The following ERC1 variants were observed in gnomAD, a reference collection of about 807,000 sequenced individuals.
ERC1 encodes the protein ELKS/RAB6-interacting/CAST family member 1, also known as RAB6 interacting protein 2.
In ERC1, 56 loss-of-function variants were observed where a neutral mutation model predicts 132.0. That is an observed-to-expected ratio of 0.42 (90% CI 0.34 to 0.53). ERC1 has a LOEUF of 0.53. Among genes scored for constraint, ERC1 ranks in the 20% least tolerant of loss-of-function variants. The probability of loss-of-function intolerance (pLI) is 0.03; values close to 1 mark genes in which losing one functional copy is unlikely to be tolerated. For missense variants in ERC1, 1,202 were observed against 1,349.9 expected (o/e 0.89, Z 1.72); for synonymous variants, 478 against 476.1 (o/e 1.00, Z -0.05).
intron 1 of ERC1, among the ~76,000 whole-genome samples, chr12:1,012,308 T>C (rs539669333): frequency 5.9e-5 from 9 of 152,282 alleles, no homozygotes; most frequent in East Asian, 1.9e-4. Context: ...TTTAAACTTA[T>C]GATATGCTTC....
At chr12:1,400,169 G>C (rs538676632) in intron 16 of ERC1, among the ~76,000 whole-genome samples, 1 of 152,100 alleles carries the variant, frequency 6.6e-6, no homozygotes, top group African/African-American at 2.4e-5. Context: ...GCTTTGATAC[G>C]CATTTCCCTA....
rs369889198 is a variant in ERC1 at position 1,401,004 on chromosome 12, G to T, written c.2926-7145G>T. ...AGGCTGGAGTGCAGTGGCGTGATCT[G>T]GGCTCACTGCAAGCTCCACCTCCCG... On this transcript the variant is annotated intron_variant, in intron 16 of 18. Coordinates refer to ENST00000360905, the MANE Select transcript of ERC1 (RefSeq NM_178040.4). Among the ~76,000 whole-genome samples, 249 of 128,718 alleles carry T rather than the reference G, an allele frequency of 1.9e-3. 1 individual carries two copies. Among genetic ancestry groups the T allele is most frequent in the Admixed American group, 5.8e-3 (61 of 10,604 alleles). 84.4% of individuals were successfully genotyped at this position (128,718 alleles called of 152,430 possible). A position where few individuals can be genotyped will look rare whatever the true frequency, so the allele number is the denominator to read the frequency against.
At chr12:1,096,533 G>A (rs1461905045) in intron 3 of ERC1, among the ~76,000 whole-genome samples, 1 of 152,138 alleles carries the variant, frequency 6.6e-6, no homozygotes, top group Non-Finnish European at 1.5e-5. Context: ...CGTGTGCCCA[G>A]TCAATCACCT....
chr12:1,040,787 A>G (rs916206399), intron 2 of ERC1, among the ~76,000 whole-genome samples: 3 of 151,988 alleles, frequency 2.0e-5, no homozygotes, highest in African/African-American at 4.8e-5. Flanking sequence ...GCTTAATTTC[A>G]TATGTGGTGA....
chr12:1,288,263 A>G (rs1409516328), intron 14 of ERC1, among the ~76,000 whole-genome samples: 1 of 152,206 alleles, frequency 6.6e-6, no homozygotes, highest in Admixed American at 6.5e-5. Flanking sequence ...TTACATAGCA[A>G]TATATTCTCT....
chr12:1,345,103 TATAAC>T (rs1434761861), intron 15 of ERC1, among the ~76,000 whole-genome samples: 1 of 152,020 alleles, frequency 6.6e-6, no homozygotes, highest in Non-Finnish European at 1.5e-5. Flanking sequence ...AAAATTAACA[TATAAC>T]ATGCCATTTT....
rs1461459123 is a variant in ERC1 at position 1,444,661 on chromosome 12, C to G, written c.3124C>G (p.Leu1042Val). ...CTGCCATGACCGAGACCCCCTGATC[C>G]TCCGTGGACTCACTCCACCAGCTTC... ...TLCHDRDPLI[L>V]RGLTPPASYN... The change falls in exon 18 of 19, where the codon CTC becomes GTC. Residue 1042 changes from leucine to valine, a missense_variant. Transcript: ENST00000360905. The G allele has an allele frequency of 6.2e-7, 1 of 1,614,140 alleles. No individual in the cohort carries two copies. Among genetic ancestry groups the G allele is most frequent in the East Asian group, 2.2e-5 (1 of 44,892 alleles).
intron 18 of ERC1, among the ~76,000 whole-genome samples, chr12:1,456,349 T>G (rs2093533575): frequency 6.6e-6 from 1 of 152,174 alleles, no homozygotes; most frequent in Admixed American, 6.5e-5. Flanking sequence ...TTGCAGGTAT[T>G]TTTTGAAGGC....
At chr12:1,355,300 G>A (rs1201886219) in intron 15 of ERC1, among the ~76,000 whole-genome samples, 1 of 151,930 alleles carries the variant, frequency 6.6e-6, no homozygotes, top group African/African-American at 2.4e-5. Flanking sequence ...ATATTATTTG[G>A]GGTTACAAAA....
chr12:1,462,450 G>A (rs887736108), intron 18 of ERC1, among the ~76,000 whole-genome samples: 5 of 152,090 alleles, frequency 3.3e-5, no homozygotes, highest in African/African-American at 1.2e-4. Flanking sequence ...CAGGAGAATA[G>A]GTATTTTTAA....
In ERC1 at chr12:1,181,964, G is replaced by A. The variant is rs761206743; in HGVS notation, c.1915G>A (p.Asp639Asn). The change falls in exon 10 of 19, where the codon GAT becomes AAT. Residue 639 changes from aspartate to asparagine, a missense_variant. Asp to Asn is a conservative substitution (Grantham distance 23). Transcript: ENST00000360905. ...IERLKEQRDR[D>N]EREKQEEIDN... Reference sequence around the variant, plus strand: ...ACGCTTAAAGGAGCAGAGGGACAGAGATGAGCGAGAGAAGCAAGAGGAAAT... The same window carrying A: ...ACGCTTAAAGGAGCAGAGGGACAGAAATGAGCGAGAGAAGCAAGAGGAAAT... The A allele has an allele frequency of 1.1e-5, 17 of 1,613,964 alleles. No individual in the cohort carries two copies. Among genetic ancestry groups the A allele is most frequent in the Admixed American group, 1.7e-5 (1 of 59,990 alleles).
chr12:1,384,111 T>G (rs2089035592), intron 16 of ERC1, among the ~76,000 whole-genome samples: 1 of 152,240 alleles, frequency 6.6e-6, no homozygotes, highest in Non-Finnish European at 1.5e-5. Flanking sequence ...TCAGCCATAT[T>G]ATTAATAACC....
chr12:1,279,673 A>AATTTT (rs1566469668), intron 14 of ERC1, among the ~76,000 whole-genome samples: 3 of 125,400 alleles, frequency 2.4e-5, no homozygotes, highest in African/African-American at 8.3e-5. Context: ...TTTTTTTTTT[A>AATTTT]ATTTTATTTT....
intron 18 of ERC1, among the ~76,000 whole-genome samples, chr12:1,479,818 C>T (rs1277477849): frequency 6.6e-6 from 1 of 152,132 alleles, no homozygotes; most frequent in Non-Finnish European, 1.5e-5. Flanking sequence ...TGGGGTCACT[C>T]TGAGGCAGGA....
intron 1 of ERC1, among the ~76,000 whole-genome samples, chr12:1,013,416 G>A (rs1034908551): frequency 1.3e-5 from 2 of 152,012 alleles, no homozygotes; most frequent in African/African-American, 4.8e-5. Flanking sequence ...TAACTTGATT[G>A]TAAACTGAGT....
At chr12:1,219,091 T>C (rs1958711972) in intron 12 of ERC1, among the ~76,000 whole-genome samples, 1 of 152,058 alleles carries the variant, frequency 6.6e-6, no homozygotes, top group African/African-American at 2.4e-5. Flanking sequence ...CAGGCTGGTC[T>C]TGAACTACTG....
chr12:1,096,105 T>TACC (rs1944004189), intron 3 of ERC1, among the ~76,000 whole-genome samples: 1 of 152,128 alleles, frequency 6.6e-6, no homozygotes, highest in Non-Finnish European at 1.5e-5. Context: ...TTTATGTGTT[T>TACC]TTCATAGAGA....
intron 17 of ERC1, among the ~76,000 whole-genome samples, chr12:1,422,560 G>A (rs1241808497): frequency 6.6e-6 from 1 of 151,646 alleles, no homozygotes; most frequent in East Asian, 1.9e-4. Context: ...AAATAGCATT[G>A]CATTGTATAG....
At chr12:1,354,898 T>C (rs2085376130) in intron 15 of ERC1, among the ~76,000 whole-genome samples, 1 of 152,110 alleles carries the variant, frequency 6.6e-6, no homozygotes, top group South Asian at 2.1e-4. Flanking sequence ...CACCTCAGCC[T>C]CCCAAAATCC....
Sources: gnomAD v4.1 joint callset for allele counts (sites outside exome capture counted in the v4.1 genomes callset) on GRCh38, gnomAD v4.1.1 for gene constraint, MANE v1.5 for transcripts, NCBI Gene and HGNC (gene_info 2026-07-23, HGNC 2026-07-21) for gene names.